MTARC1: variants seen among roughly 807,000 people sequenced by gnomAD.
MTARC1 encodes mitochondrial amidoxime reducing component 1, also known as mitochondrial amidoxime-reducing component 1.
Under a neutral mutation model 33.6 loss-of-function variants are expected in MTARC1, and 24 were observed. The ratio of observed to expected loss-of-function variants is 0.72; its 90% CI spans 0.52 to 1.01. The LOEUF (loss-of-function observed/expected upper bound fraction) is 1.01, where lower values mean the gene tolerates loss of function less well. Ranked by LOEUF, MTARC1 falls within the 50% of genes least tolerant of loss-of-function variation. The pLI is 0.00. For synonymous variants in MTARC1, 187 were observed against 189.5 expected, an observed-to-expected ratio of 0.99 and a Z score of 0.11; for missense variants, 417 against 445.7, an observed-to-expected ratio of 0.94 and a Z score of 0.58.
chr1:220,787,829 AAAACAAAC>A (rs201105493), intron 1 of MTARC1, among the ~76,000 whole-genome samples: 130 of 152,142 alleles, frequency 8.5e-4, no homozygotes, highest in African/African-American at 3.0e-3. Flanking sequence ...GTCTCTACTA[AAAACAAAC>A]AAACAAACAA....
intron 1 of MTARC1, among the ~76,000 whole-genome samples, chr1:220,787,559 G>A (rs1393591297): frequency 6.6e-6 from 1 of 152,138 alleles, no homozygotes; most frequent in African/African-American, 2.4e-5. Flanking sequence ...CCATTTAGTG[G>A]AGGCGGCTAG....
In MTARC1 at chr1:220,786,931, C is replaced by A. The variant is rs1307893913; in HGVS notation, c.-14C>A. On this transcript the variant is annotated 5_prime_UTR_variant, in exon 1 of 7. Coordinates refer to ENST00000366910, the MANE Select transcript of MTARC1 (RefSeq NM_022746.4). The stretch of plus-strand genomic sequence containing the variant: ...CTCCGGCCTTGCCGCCGCCACCTCG[C>A]GGAGAAGCCAGCCATGGGCGCCGCC... The A allele has an allele frequency of 2.4e-6, 3 of 1,232,166 alleles. No homozygotes were observed. The highest frequency in any genetic ancestry group is 3.9e-5 in the South Asian group (1 of 25,550). The allele number at this position is 1,232,166 out of a possible 1,614,324, so 76.3% of individuals were successfully genotyped here. A position where few individuals can be genotyped will look rare whatever the true frequency, so the allele number is the denominator to read the frequency against.
chr1:220,793,152 TG>T (rs1672484792), intron 2 of MTARC1: 1 of 152,218 alleles, frequency 6.6e-6, no homozygotes, highest in Non-Finnish European at 1.5e-5. Flanking sequence ...GCCATTTTTA[TG>T]GGCAAAAATG....
intron 6 of MTARC1, among the ~76,000 whole-genome samples, chr1:220,811,420 C>T (rs768054627): frequency 3.9e-5 from 6 of 152,232 alleles, no homozygotes; most frequent in Non-Finnish European, 5.9e-5. Flanking sequence ...GAGAATGCAA[C>T]AGAGAACAAA....
chr1:220,793,293 C>T (rs1273672989), intron 2 of MTARC1: 2 of 152,056 alleles, frequency 1.3e-5, no homozygotes, highest in African/African-American at 2.4e-5. Context: ...TAGATATTTA[C>T]CCATATTTTC....
At chr1:220,798,791 C>T (rs1011621795) in intron 4 of MTARC1, 2 of 913,020 alleles carry the variant, frequency 2.2e-6, no homozygotes, top group East Asian at 1.2e-4. Flanking sequence ...TAAAGGGGAC[C>T]ATATAGTGGT....
Position 220,799,972 on chromosome 1 carries a change from T to C in MTARC1, c.753+1958T>C, listed in dbSNP as rs12035639. On this transcript the variant is annotated intron_variant, in intron 4 of 6. Coordinates refer to ENST00000366910, the MANE Select transcript of MTARC1 (RefSeq NM_022746.4). ...TACCACAGGGAGGTAAGGAAGAGTT[T>C]CATTCCTGGGAGTTTGGCTCAGGTA... Among the ~76,000 whole-genome samples, 364 of 152,292 alleles carry C rather than the reference T, an allele frequency of 2.4e-3. 8 individuals carry two copies. In the East Asian group the frequency reaches 0.06, roughly 25 times the overall value.
Position 220,815,272 on chromosome 1 carries a change from G to T in MTARC1, c.*1854G>T, listed in dbSNP as rs1673257789. 1 of 152,272 alleles carries T rather than the reference G, an allele frequency of 6.6e-6. No individual in the cohort carries two copies. 9.4% of individuals were successfully genotyped at this position (152,272 alleles called of 1,614,324 possible). On this transcript the variant is annotated 3_prime_UTR_variant, in exon 7 of 7. Transcript: ENST00000366910. ...ATGGGCTCTCTGGGAATAGCCAATA[G>T]GTAGGGAGCAATCAGAAACCCAAGG...
intron 3 of MTARC1, 52 bp from the exon 4 acceptor site, chr1:220,797,822 C>A: frequency 1.3e-6 from 2 of 1,569,236 alleles, no homozygotes; most frequent in East Asian, 2.2e-5. Flanking sequence ...CACACCTAAC[C>A]ACTGAAAAGT....
chr1:220,795,421 A>G lies in MTARC1; in HGVS notation c.450-1222A>G, dbSNP rs530238504. 5.9e-5 allele frequency among the ~76,000 whole-genome samples: 9 copies of G among 152,334 alleles called. No individual in the cohort carries two copies. The South Asian group carries it at 1.7e-3, about 28-fold the overall frequency. Reference sequence around the variant, plus strand: ...TTCTCAAACTTCCAGCATTTGCATAACACCACGATGATAGTAGGCCAAACC... The same window carrying G: ...TTCTCAAACTTCCAGCATTTGCATAGCACCACGATGATAGTAGGCCAAACC... On this transcript the variant is annotated intron_variant, in intron 2 of 6. Transcript: ENST00000366910.
chr1:220,803,300 C>T (rs1246908275), intron 4 of MTARC1, among the ~76,000 whole-genome samples: 2 of 152,132 alleles, frequency 1.3e-5, no homozygotes, highest in South Asian at 2.1e-4. Flanking sequence ...GAAAGACCCG[C>T]CCCCATGATT....
intron 3 of MTARC1, among the ~76,000 whole-genome samples, chr1:220,797,042 C>T (rs6672013): frequency 0.014 from 2,083 of 152,320 alleles, 33 homozygotes; most frequent in African/African-American, 0.042. Flanking sequence ...TGTAAGCATT[C>T]TGATGCCAGT....
At chr1:220,797,157 A>G (rs2642439) in intron 3 of MTARC1, among the ~76,000 whole-genome samples, 114,278 of 152,130 alleles carry the variant, frequency 0.75, 43,393 homozygotes, top group African/African-American at 0.86. Flanking sequence ...TCAGATTCCA[A>G]TTGTGCAAGT....
intron 2 of MTARC1, 78 bp downstream of exon 2, chr1:220,791,742 A>G (rs932157121): frequency 1.5e-5 from 22 of 1,495,046 alleles, no homozygotes; most frequent in Non-Finnish European, 1.9e-5. Flanking sequence ...TCTAGAGGGA[A>G]TGCTGAGAAA....
At chr1:220,801,345 G>GC (rs35034116) in intron 4 of MTARC1, among the ~76,000 whole-genome samples, 19 of 150,890 alleles carry the variant, frequency 1.3e-4, no homozygotes, top group East Asian at 1.2e-3. Flanking sequence ...CGCTCACCCA[G>GC]CCCCCCCCAC....
intron 4 of MTARC1, among the ~76,000 whole-genome samples, chr1:220,803,533 G>A (rs374922311): frequency 3.9e-5 from 6 of 152,212 alleles, no homozygotes; most frequent in Admixed American, 2.0e-4. Context: ...TGGGAAGCCT[G>A]CTCTGATTGC....
rs201511726 is a variant in MTARC1 at position 220,813,321 on chromosome 1, A to C, written c.917A>C (p.Lys306Thr). The change falls in exon 7 of 7, where the codon AAG becomes ACG. Residue 306 changes from lysine to threonine, a missense_variant. Transcript: ENST00000366910. The part of the protein sequence containing the change: ...SYRQCDPSER[K>T]LYGKSPLFGQ... ...CGCCAGTGTGACCCTTCAGAACGAA[A>C]GTTATATGGAAAATCACCACTCTTT... is the stretch of plus-strand genomic sequence containing the variant. The C allele has an allele frequency of 6.2e-7, 1 of 1,614,090 alleles. No individual in the cohort carries two copies. Among genetic ancestry groups the C allele is most frequent in the Admixed American group, 1.7e-5 (1 of 60,006 alleles).
rs1450645982 is a variant in MTARC1, at chr1:220,819,096, C to T, written c.*5678C>T. 6.6e-6 allele frequency: 1 copy of T among 152,174 alleles called. No homozygotes were observed. Among genetic ancestry groups the T allele is most frequent in the Admixed American group, 6.5e-5 (1 of 15,282 alleles). The allele number at this position is 152,174 out of a possible 1,614,324, so 9.4% of individuals were successfully genotyped here. A position where few individuals can be genotyped will look rare whatever the true frequency, so the allele number is the denominator to read the frequency against. ...GGAGGTTCTTCTGTGGCCAGAGTTG[C>T]CAAGACCAAGGCTGTAATGGTTTGT... On this transcript the variant is annotated 3_prime_UTR_variant, in exon 7 of 7. Transcript: ENST00000366910.
chr1:220,787,283 G>A (rs964348759), intron 1 of MTARC1, 64 bp downstream of exon 1: 1 of 1,471,754 alleles, frequency 6.8e-7, no homozygotes, highest in African/African-American at 1.4e-5. Context: ...TGAGAAGGGA[G>A]GAGCGCAGGG....
Sources: gnomAD v4.1 joint callset for allele counts (sites outside exome capture counted in the v4.1 genomes callset) on GRCh38, gnomAD v4.1.1 for gene constraint, MANE v1.5 for transcripts, NCBI Gene and HGNC (gene_info 2026-07-23, HGNC 2026-07-21) for gene names.